ANKS1B: variants seen among roughly 807,000 people sequenced by gnomAD.
ANKS1B encodes ankyrin repeat and sterile alpha motif domain-containing protein 1B.
ANKS1B carries 36 observed loss-of-function variants against 148.3 expected under a neutral mutation model. That is an observed-to-expected ratio of 0.24 (90% CI 0.19 to 0.32). The LOEUF (loss-of-function observed/expected upper bound fraction) is 0.32, where lower values mean the gene tolerates loss of function less well. Among genes scored for constraint, ANKS1B ranks in the 10% least tolerant of loss-of-function variants. The probability of loss-of-function intolerance (pLI) is 1.00; values close to 1 mark genes in which losing one functional copy is unlikely to be tolerated. For missense variants in ANKS1B, 1,157 were observed against 1,542.6 expected, an observed-to-expected ratio of 0.75 and a Z score of 4.19; for synonymous variants, 542 against 560.8, an observed-to-expected ratio of 0.97 and a Z score of 0.47.
chr12:99,110,297 A>G (rs553319594), intron 15 of ANKS1B, among the ~76,000 whole-genome samples: 1 of 152,326 alleles, frequency 6.6e-6, no homozygotes, highest in South Asian at 2.1e-4. Context: ...CCACGGTAAA[A>G]TAAATTAGAT....
At chr12:99,235,796 C>T (rs1361465359) in intron 14 of ANKS1B, among the ~76,000 whole-genome samples, 2 of 152,186 alleles carry the variant, frequency 1.3e-5, no homozygotes, top group Admixed American at 6.5e-5. Context: ...ACTTAATTAA[C>T]ATGGGGCCCA....
At chr12:99,134,416 C>CA (rs2067172154) in intron 15 of ANKS1B, among the ~76,000 whole-genome samples, 1 of 151,642 alleles carries the variant, frequency 6.6e-6, no homozygotes, top group African/African-American at 2.4e-5. Flanking sequence ...GGTCCTGAAT[C>CA]AAAAAAAGAG....
At chr12:99,206,227 T>C (rs2082650451) in intron 14 of ANKS1B, among the ~76,000 whole-genome samples, 1 of 152,192 alleles carries the variant, frequency 6.6e-6, no homozygotes. Context: ...AATATAAAGA[T>C]AGTTCCTAAT....
chr12:99,744,986 T>G (rs1235256949), intron 8 of ANKS1B, among the ~76,000 whole-genome samples: 1 of 66,758 alleles, frequency 1.5e-5, no homozygotes, highest in Non-Finnish European at 2.6e-5. Context: ...AGTGAGACTC[T>G]GTCTCAAAAA....
At chr12:99,586,575 C>T (rs1365826810) in intron 9 of ANKS1B, among the ~76,000 whole-genome samples, 5 of 152,178 alleles carry the variant, frequency 3.3e-5, no homozygotes, top group Admixed American at 3.3e-4. Context: ...GTTACTTCCA[C>T]ATTTTTGAGT....
intron 10 of ANKS1B, among the ~76,000 whole-genome samples, chr12:99,487,575 C>A (rs1193807482): frequency 6.6e-6 from 1 of 150,406 alleles, no homozygotes; most frequent in African/African-American, 2.4e-5. Flanking sequence ...TTCAGTGCTA[C>A]AAGCATGTAT....
chr12:99,202,631 C>T (rs1054529048), intron 14 of ANKS1B, among the ~76,000 whole-genome samples: 3 of 152,256 alleles, frequency 2.0e-5, no homozygotes, highest in African/African-American at 7.2e-5. Flanking sequence ...AGCCTACAGA[C>T]AGCTCTTATG....
At chr12:99,569,813 C>T (rs946578080) in intron 9 of ANKS1B, among the ~76,000 whole-genome samples, 1 of 152,146 alleles carries the variant, frequency 6.6e-6, no homozygotes. Context: ...AGCCAGCCTG[C>T]CAGTTCAGCT....
intron 1 of ANKS1B, among the ~76,000 whole-genome samples, chr12:99,828,056 G>A (rs2083431569): frequency 6.6e-6 from 1 of 152,074 alleles, no homozygotes; most frequent in Non-Finnish European, 1.5e-5. Flanking sequence ...CCATTAGCTG[G>A]TAAACAGATA....
At chr12:98,835,754 T>C (rs1391142438) in intron 17 of ANKS1B, among the ~76,000 whole-genome samples, 4 of 150,686 alleles carry the variant, frequency 2.7e-5, no homozygotes, top group Admixed American at 1.3e-4. Context: ...TGATAGATGA[T>C]AGACAGATAG....
chr12:99,604,827 A>G (rs1162043919), intron 9 of ANKS1B, among the ~76,000 whole-genome samples: 3 of 151,322 alleles, frequency 2.0e-5, no homozygotes, highest in Non-Finnish European at 4.4e-5. Flanking sequence ...AAAAAAAAAA[A>G]AAAAAGAAAA....
intron 9 of ANKS1B, among the ~76,000 whole-genome samples, chr12:99,548,764 C>A (rs1391561370): frequency 6.6e-6 from 1 of 152,056 alleles, no homozygotes; most frequent in African/African-American, 2.4e-5. Flanking sequence ...TATATTCATT[C>A]CTTTGATGAA....
intron 12 of ANKS1B, among the ~76,000 whole-genome samples, chr12:99,259,058 A>G (rs983686752): frequency 2.0e-5 from 3 of 152,170 alleles, no homozygotes; most frequent in Admixed American, 6.5e-5. Flanking sequence ...TGAACAGAGG[A>G]GCCCGTATGA....
chr12:99,343,202 A>G (rs954134948), intron 12 of ANKS1B, among the ~76,000 whole-genome samples: 1 of 152,052 alleles, frequency 6.6e-6, no homozygotes, highest in Non-Finnish European at 1.5e-5. Flanking sequence ...TGACCATTGA[A>G]ACACATTTAG....
chr12:99,959,286 C>T (rs1037940798), intron 1 of ANKS1B, among the ~76,000 whole-genome samples: 34 of 139,544 alleles, frequency 2.4e-4, no homozygotes, highest in Non-Finnish European at 4.5e-5. Context: ...ACCGTGTTAG[C>T]CAGGATGGTC....
intron 9 of ANKS1B, among the ~76,000 whole-genome samples, chr12:99,571,073 T>A (rs1208849390): frequency 6.6e-6 from 1 of 152,134 alleles, no homozygotes; most frequent in Non-Finnish European, 1.5e-5. Flanking sequence ...AAGTACAGCA[T>A]ACAGGTATTT....
intron 15 of ANKS1B, among the ~76,000 whole-genome samples, chr12:99,110,099 C>G (rs2153697950): frequency 6.6e-6 from 1 of 152,276 alleles, no homozygotes. Flanking sequence ...ATGCCCACAT[C>G]TTTACTAGTT....
chr12:99,037,837 C>T (rs1481995129), intron 17 of ANKS1B, among the ~76,000 whole-genome samples: 3 of 150,886 alleles, frequency 2.0e-5, no homozygotes, highest in African/African-American at 4.9e-5. Flanking sequence ...ATGTGTGAAG[C>T]CTGTACCATC....
chr12:99,492,421 A>G (rs910770748), intron 10 of ANKS1B, among the ~76,000 whole-genome samples: 7 of 152,216 alleles, frequency 4.6e-5, no homozygotes, highest in South Asian at 2.1e-4. Context: ...TAGCCTAACA[A>G]CCAAAAAAAG....
Sources: gnomAD v4.1 joint callset for allele counts (sites outside exome capture counted in the v4.1 genomes callset) on GRCh38, gnomAD v4.1.1 for gene constraint, MANE v1.5 for transcripts, NCBI Gene and HGNC (gene_info 2026-07-23, HGNC 2026-07-21) for gene names.